ZHX2: variants seen among roughly 807,000 people sequenced by gnomAD.
The protein encoded by ZHX2 is zinc fingers and homeoboxes 2, also known as zinc fingers and homeoboxes protein 2.
Under a neutral mutation model 21.9 loss-of-function variants are expected in ZHX2, and 6 were observed. That is an observed-to-expected ratio of 0.27 (90% CI 0.15 to 0.54). The LOEUF is 0.54. ZHX2 is among the 20% of genes least tolerant of loss of function. The pLI is 0.95. For missense variants in ZHX2, 908 were observed against 1,090.7 expected (o/e 0.83, Z 2.36); for synonymous variants, 434 against 437.1 (o/e 0.99, Z 0.09).
chr8:122,932,659 A>G (rs1821021388), intron 2 of ZHX2, among the ~76,000 whole-genome samples: 1 of 152,178 alleles, frequency 6.6e-6, no homozygotes, highest in Non-Finnish European at 1.5e-5. Flanking sequence ...TCCCTCTCAT[A>G]AGGATACTTG....
At chr8:122,884,934 T>C (rs756629652) in intron 2 of ZHX2, among the ~76,000 whole-genome samples, 1 of 152,196 alleles carries the variant, frequency 6.6e-6, no homozygotes, top group Non-Finnish European at 1.5e-5. Flanking sequence ...TGGGAAGCCA[T>C]TGGAGCCGGG....
chr8:122,799,842 GCTTTT>G (rs1817682148), intron 1 of ZHX2, among the ~76,000 whole-genome samples: 1 of 152,114 alleles, frequency 6.6e-6, no homozygotes, highest in Non-Finnish European at 1.5e-5. Context: ...ATTTACATTT[GCTTTT>G]CTTTTCTTTT....
chr8:122,801,457 G>A (rs1817718351), intron 1 of ZHX2, among the ~76,000 whole-genome samples: 2 of 151,958 alleles, frequency 1.3e-5, no homozygotes, highest in African/African-American at 2.4e-5. Context: ...TGAGTCAAGA[G>A]ATTAAGGGGC....
chr8:122,847,715 G>A (rs757161153), intron 1 of ZHX2, among the ~76,000 whole-genome samples: 11 of 152,166 alleles, frequency 7.2e-5, no homozygotes, highest in African/African-American at 2.7e-4. Flanking sequence ...CAAAGCTGGC[G>A]CCAGGGCCCA....
intron 1 of ZHX2, among the ~76,000 whole-genome samples, chr8:122,837,142 C>T (rs1404941867): frequency 6.6e-6 from 1 of 152,172 alleles, no homozygotes; most frequent in East Asian, 1.9e-4. Context: ...GAAGAATCCA[C>T]CCCTTGTTTA....
At chr8:122,875,704 G>A (rs1478235136) in intron 2 of ZHX2, among the ~76,000 whole-genome samples, 5 of 152,234 alleles carry the variant, frequency 3.3e-5, no homozygotes, top group African/African-American at 1.2e-4. Flanking sequence ...TTACACATGT[G>A]GAAACAGAAG....
intron 1 of ZHX2, among the ~76,000 whole-genome samples, chr8:122,817,185 G>A (rs1286976984): frequency 6.6e-6 from 1 of 152,322 alleles, no homozygotes; most frequent in East Asian, 1.9e-4. Flanking sequence ...AGAGGAACAC[G>A]GATCCTGGGG....
chr8:122,826,526 T>C (rs763227378), intron 1 of ZHX2, among the ~76,000 whole-genome samples: 2 of 152,216 alleles, frequency 1.3e-5, no homozygotes, highest in African/African-American at 2.4e-5. Flanking sequence ...AGAATCTTCT[T>C]TTTATGAAAG....
intron 2 of ZHX2, among the ~76,000 whole-genome samples, chr8:122,928,787 A>G (rs534472313): frequency 2.0e-5 from 3 of 152,188 alleles, no homozygotes; most frequent in African/African-American, 4.8e-5. Flanking sequence ...CAACGGGGGT[A>G]TCCAAGATGA....
At chr8:122,946,615 T>TA (rs1258175694) in intron 2 of ZHX2, among the ~76,000 whole-genome samples, 1 of 151,994 alleles carries the variant, frequency 6.6e-6, no homozygotes, top group African/African-American at 2.4e-5. Context: ...GAAGTTTCGG[T>TA]AAAAAAAGGT....
chr8:122,895,711 C>CT (rs1201232118), intron 2 of ZHX2, among the ~76,000 whole-genome samples: 1 of 150,252 alleles, frequency 6.7e-6, no homozygotes, highest in East Asian at 1.9e-4. Flanking sequence ...CATCTGCAGT[C>CT]TAAGACCCAG....
At chr8:122,803,890 C>A (rs778484410) in intron 1 of ZHX2, among the ~76,000 whole-genome samples, 1 of 152,094 alleles carries the variant, frequency 6.6e-6, no homozygotes. Context: ...GCCTGCTGGG[C>A]GGCCTGTTTG....
chr8:122,822,937 T>A (rs1365233092), intron 1 of ZHX2, among the ~76,000 whole-genome samples: 1 of 152,230 alleles, frequency 6.6e-6, no homozygotes, highest in Non-Finnish European at 1.5e-5. Flanking sequence ...ATAATGTACC[T>A]CATCCGATTT....
chr8:122,822,767 A>G (rs1188475746), intron 1 of ZHX2, among the ~76,000 whole-genome samples: 1 of 152,228 alleles, frequency 6.6e-6, no homozygotes, highest in African/African-American at 2.4e-5. Flanking sequence ...CCTGCCAGGT[A>G]AGGCCTGTGC....
intron 2 of ZHX2, among the ~76,000 whole-genome samples, chr8:122,906,020 G>T (rs768197635): frequency 2.6e-5 from 4 of 152,040 alleles, no homozygotes; most frequent in Non-Finnish European, 4.4e-5. Flanking sequence ...CCTCAATTAG[G>T]GAATGAGTTA....
intron 2 of ZHX2, among the ~76,000 whole-genome samples, chr8:122,899,209 C>T (rs774723662): frequency 2.6e-5 from 4 of 152,078 alleles, no homozygotes; most frequent in Non-Finnish European, 5.9e-5. Context: ...TCTAATCTCC[C>T]TCCTCAGAGC....
At chr8:122,925,518 T>C (rs1014790777) in intron 2 of ZHX2, among the ~76,000 whole-genome samples, 1 of 152,210 alleles carries the variant, frequency 6.6e-6, no homozygotes, top group Non-Finnish European at 1.5e-5. Flanking sequence ...AACCGTGTTC[T>C]CTTTGAGTAG....
At chr8:122,895,247 G>T (rs1820072375) in intron 2 of ZHX2, among the ~76,000 whole-genome samples, 1 of 152,178 alleles carries the variant, frequency 6.6e-6, no homozygotes, top group African/African-American at 2.4e-5. Context: ...CATAGGGGAG[G>T]TGTGAGCATT....
At chr8:122,897,795 G>A (rs911440159) in intron 2 of ZHX2, among the ~76,000 whole-genome samples, 2 of 152,144 alleles carry the variant, frequency 1.3e-5, no homozygotes, top group Non-Finnish European at 1.5e-5. Context: ...GTAACCAGAT[G>A]GTTGGAAGTG....
Sources: gnomAD v4.1 joint callset for allele counts (sites outside exome capture counted in the v4.1 genomes callset) on GRCh38, gnomAD v4.1.1 for gene constraint, MANE v1.5 for transcripts, NCBI Gene and HGNC (gene_info 2026-07-23, HGNC 2026-07-21) for gene names.